RABGAP1L: variants seen among roughly 807,000 people sequenced by gnomAD.
RABGAP1L encodes the protein rab GTPase-activating protein 1-like.
In RABGAP1L, 63 loss-of-function variants were observed where a neutral mutation model predicts 137.7. The observed-to-expected ratio is 0.46, with a 90% CI of 0.37 to 0.56. The LOEUF is 0.56. Among genes scored for constraint, RABGAP1L ranks in the 20% least tolerant of loss-of-function variants. The pLI is 0.00. For missense variants in RABGAP1L, 1,095 were observed against 1,244.0 expected (o/e 0.88, Z 1.80); for synonymous variants, 431 against 433.7 (o/e 0.99, Z 0.08).
chr1:174,652,619 C>G (rs905993742), intron 14 of RABGAP1L, among the ~76,000 whole-genome samples: 1 of 152,208 alleles, frequency 6.6e-6, no homozygotes, highest in East Asian at 1.9e-4. Flanking sequence ...CTGCGTATCA[C>G]CAGCATAGGC....
chr1:174,265,365 A>T (rs1673972064), intron 7 of RABGAP1L, among the ~76,000 whole-genome samples: 1 of 152,114 alleles, frequency 6.6e-6, no homozygotes, highest in South Asian at 2.1e-4. Flanking sequence ...TTCTTGTTAT[A>T]ATCATTTTTA....
intron 13 of RABGAP1L, among the ~76,000 whole-genome samples, chr1:174,609,619 T>A (rs1449995061): frequency 6.6e-6 from 1 of 152,186 alleles, no homozygotes; most frequent in Non-Finnish European, 1.5e-5. Context: ...GATCCTTACC[T>A]AACCTTCATG....
intron 13 of RABGAP1L, among the ~76,000 whole-genome samples, chr1:174,415,747 C>G (rs1222840420): frequency 2.0e-5 from 3 of 151,904 alleles, no homozygotes; most frequent in Non-Finnish European, 2.9e-5. Context: ...AAGTAAGGCT[C>G]CATTTCTTCA....
intron 13 of RABGAP1L, among the ~76,000 whole-genome samples, chr1:174,635,479 G>T (rs908487716): frequency 3.9e-5 from 6 of 152,218 alleles, no homozygotes; most frequent in Non-Finnish European, 8.8e-5. Context: ...CAAGATAAAA[G>T]AAATGTTTCA....
rs547235922 is a variant in RABGAP1L, at chr1:174,778,852, C to T, written c.2211+26498C>T. Among the ~76,000 whole-genome samples, 158 of 152,184 alleles carry T rather than the reference C, an allele frequency of 1.0e-3. 1 individual carries two copies. The highest frequency in any genetic ancestry group is 3.1e-3 in the Admixed American group (47 of 15,270). ...CTTGTGATCCACCCACCTTAGCCTC[C>T]CAAAGTGCTGGGATTACAGGAGTGA... On this transcript the variant is annotated intron_variant, in intron 18 of 25. Coordinates refer to ENST00000681986, the MANE Select transcript of RABGAP1L (RefSeq NM_001366446.1).
chr1:174,771,564 T>G (rs1245402608), intron 18 of RABGAP1L, among the ~76,000 whole-genome samples: 1 of 152,234 alleles, frequency 6.6e-6, no homozygotes, highest in Non-Finnish European at 1.5e-5. Flanking sequence ...CACCAAAATG[T>G]TTTCATTTCA....
chr1:174,459,498 C>T (rs1656425442), intron 13 of RABGAP1L, among the ~76,000 whole-genome samples: 1 of 152,080 alleles, frequency 6.6e-6, no homozygotes, highest in South Asian at 2.1e-4. Flanking sequence ...TTTATATAAT[C>T]ACATACAATA....
chr1:174,753,362 C>T (rs972802580), intron 18 of RABGAP1L, among the ~76,000 whole-genome samples: 5 of 152,090 alleles, frequency 3.3e-5, no homozygotes, highest in African/African-American at 7.2e-5. Context: ...CCTCTTGATA[C>T]GTTAGGAGAG....
chr1:174,676,251 A>G (rs188513869), intron 14 of RABGAP1L, among the ~76,000 whole-genome samples: 1 of 152,266 alleles, frequency 6.6e-6, no homozygotes, highest in African/African-American at 2.4e-5. Context: ...AGGCTTTTGA[A>G]TAGATTTGCT....
At chr1:174,167,236 A>C (rs3086) in intron 1 of RABGAP1L, among the ~76,000 whole-genome samples, 44,947 of 152,068 alleles carry the variant, frequency 0.3, 7,086 homozygotes, top group African/African-American at 0.37. Context: ...GAGGCATGTT[A>C]GTTTTCACGA....
intron 22 of RABGAP1L, among the ~76,000 whole-genome samples, chr1:174,978,462 A>G (rs1670832688): frequency 6.6e-6 from 1 of 152,244 alleles, no homozygotes; most frequent in South Asian, 2.1e-4. Flanking sequence ...CAAATTTAGC[A>G]TGCAGTATTG....
At chr1:174,910,665 A>G (rs1174611343) in intron 19 of RABGAP1L, among the ~76,000 whole-genome samples, 6 of 152,212 alleles carry the variant, frequency 3.9e-5, no homozygotes, top group Admixed American at 3.9e-4. Context: ...AAAAACCTAA[A>G]GACACCACCA....
intron 18 of RABGAP1L, among the ~76,000 whole-genome samples, chr1:174,754,451 T>C (rs1684563563): frequency 6.6e-6 from 1 of 152,202 alleles, no homozygotes; most frequent in Non-Finnish European, 1.5e-5. Flanking sequence ...TTAAAAACTT[T>C]GGAGAAGTTC....
chr1:174,438,931 A>G (rs117085764), intron 13 of RABGAP1L, among the ~76,000 whole-genome samples: 12 of 151,626 alleles, frequency 7.9e-5, no homozygotes, highest in Admixed American at 5.3e-4. Flanking sequence ...TCGAAATGCA[A>G]TGATTTTTAT....
chr1:174,473,226 A>G (rs1215675018), intron 13 of RABGAP1L, among the ~76,000 whole-genome samples: 1 of 152,204 alleles, frequency 6.6e-6, no homozygotes, highest in Admixed American at 6.5e-5. Flanking sequence ...AAATACCTAG[A>G]GAGCTCAAAG....
chr1:174,335,503 C>T (rs1165633512), intron 11 of RABGAP1L, among the ~76,000 whole-genome samples: 1 of 152,096 alleles, frequency 6.6e-6, no homozygotes, highest in Non-Finnish European at 1.5e-5. Flanking sequence ...AATTTGAATA[C>T]CAATAATCTT....
intron 19 of RABGAP1L, among the ~76,000 whole-genome samples, chr1:174,868,125 T>A (rs979831439): frequency 6.6e-6 from 1 of 150,674 alleles, no homozygotes; most frequent in Non-Finnish European, 1.5e-5. Flanking sequence ...CAGCTAATTT[T>A]TTTTTGTATT....
rs898783657 is a variant in RABGAP1L at position 174,978,717 on chromosome 1, G to A, written c.2650-90G>A. On this transcript the variant is annotated intron_variant, in intron 22 of 25. Coordinates refer to ENST00000681986, the MANE Select transcript of RABGAP1L (RefSeq NM_001366446.1). Reference sequence around the variant, plus strand: ...AGTTAACATTGTTACCATTGTTACTGACTATGAATCAGACAGACTTGAATA... The same window carrying A: ...AGTTAACATTGTTACCATTGTTACTAACTATGAATCAGACAGACTTGAATA... 5.9e-5 allele frequency: 79 copies of A among 1,336,320 alleles called. No homozygotes were observed. The African/African-American group carries it at 1.1e-3, about 18-fold the overall frequency. 82.8% of individuals were successfully genotyped at this position (1,336,320 alleles called of 1,614,324 possible). A position where few individuals can be genotyped will look rare whatever the true frequency, so the allele number is the denominator to read the frequency against.
chr1:174,274,358 C>T (rs565643799), intron 8 of RABGAP1L, among the ~76,000 whole-genome samples: 10 of 152,036 alleles, frequency 6.6e-5, no homozygotes, highest in African/African-American at 2.2e-4. Flanking sequence ...AAGGTCGTCC[C>T]GTAAGATTAT....
Sources: allele counts gnomAD v4.1 joint callset (sites outside exome capture counted in the v4.1 genomes callset), GRCh38; gene constraint gnomAD v4.1.1; transcripts MANE v1.5; gene names NCBI Gene and HGNC (gene_info 2026-07-23, HGNC 2026-07-21).